The following ASB18 variants were observed in gnomAD, a reference collection of about 807,000 sequenced individuals.
ASB18 encodes the protein ankyrin repeat and SOCS box protein 18.
In ASB18, 33 loss-of-function variants were observed where a neutral mutation model predicts 33.4. The observed-to-expected ratio is 0.99, with a 90% CI of 0.75 to 1.32. The LOEUF (loss-of-function observed/expected upper bound fraction) is 1.32. Among genes scored for constraint, ASB18 ranks in the 40% most tolerant of loss-of-function variants. The pLI is 0.00. For missense variants in ASB18, 694 were observed against 655.5 expected, an observed-to-expected ratio of 1.06 and a Z score of -0.64; for synonymous variants, 295 against 307.6, an observed-to-expected ratio of 0.96 and a Z score of 0.43.
At chr2:236,230,204 A>T (rs1203765117) in intron 3 of ASB18, among the ~76,000 whole-genome samples, 1 of 151,934 alleles carries the variant, frequency 6.6e-6, no homozygotes, top group East Asian at 1.9e-4. Context: ...TGCAGAAAAA[A>T]TAAGAAGAAA....
rs562449856 is a variant in ASB18 at position 236,235,466 on chromosome 2, A to G, written c.596+2223T>C. The stretch of plus-strand genomic sequence containing the variant: ...GAGAATGTATCCCCATCGTTAAGCG[A>G]CAAATGACTGTATGTGGATGGCAAG... On this transcript the variant is annotated intron_variant, in intron 3 of 5. Transcript: ENST00000409749. This position sits in a 1 kb window ranked among gnomAD's most constrained non-coding sequence, Gnocchi z 6.2. Among the ~76,000 whole-genome samples, 8 of 152,382 alleles carry G rather than the reference A, an allele frequency of 5.2e-5. No homozygotes were observed. Among genetic ancestry groups the G allele is most frequent in the African/African-American group, 1.4e-4 (6 of 41,590 alleles).
chr2:236,223,139 C>A lies in ASB18; in HGVS notation c.597-8273G>T, dbSNP rs1000559910. 1.3e-5 allele frequency among the ~76,000 whole-genome samples: 2 copies of A among 152,350 alleles called. No individual in the cohort carries two copies. Among genetic ancestry groups the A allele is most frequent in the South Asian group, 2.1e-4 (1 of 4,826 alleles). On this transcript the variant is annotated intron_variant, in intron 3 of 5. Transcript: ENST00000409749. This position sits in a 1 kb window ranked among gnomAD's most constrained non-coding sequence, Gnocchi z 4.6. ...TCCTGAGGCCTCCCCAGAAGCAGAT[C>A]CCAGCATTATGCTTCCTGTACAGCC... is the stretch of plus-strand genomic sequence containing the variant.
chr2:236,221,343 A>G lies in ASB18; in HGVS notation c.597-6477T>C, dbSNP rs866170975. The stretch of plus-strand genomic sequence containing the variant: ...CATTGCTTCTGAACATTTTGTTAGT[A>G]ATGTTAAACATCTCATATGGTTTGG... On this transcript the variant is annotated intron_variant, in intron 3 of 5. Transcript: ENST00000409749. The surrounding 1 kb of genome is among the most constrained non-coding windows in gnomAD (Gnocchi z 5.6). Among the ~76,000 whole-genome samples the G allele has an allele frequency of 6.6e-6, 1 of 152,212 alleles. No homozygotes were observed. The highest frequency in any genetic ancestry group is 1.5e-5 in the Non-Finnish European group (1 of 68,042).
rs890825050 is a variant in ASB18, at chr2:236,256,750, C to T, written c.205+7391G>A. ...TTTCACTGTGTTCCACAGGCAGTGA[C>T]AGTTCATACTTGGGGGGAGCTGAGA... On this transcript the variant is annotated intron_variant, in intron 1 of 5. Transcript: ENST00000409749. The surrounding 1 kb of genome is among the most constrained non-coding windows in gnomAD (Gnocchi z 4.7). Among the ~76,000 whole-genome samples, 1 of 152,170 alleles carries T rather than the reference C, an allele frequency of 6.6e-6. No individual in the cohort carries two copies.
At chr2:236,243,929 C>A (rs972960083) in intron 1 of ASB18, among the ~76,000 whole-genome samples, 5 of 152,042 alleles carry the variant, frequency 3.3e-5, no homozygotes, top group Non-Finnish European at 5.9e-5. Context: ...AGGGCTCCAG[C>A]GATTCTCTTG....
chr2:236,238,093 T>G lies in ASB18; in HGVS notation c.329-137A>C. 14 of 621,572 alleles carry G rather than the reference T, an allele frequency of 2.3e-5. No individual in the cohort carries two copies. The highest frequency in any genetic ancestry group is 4.2e-4 in the Middle Eastern group (1 of 2,408). 38.5% of individuals were successfully genotyped at this position (621,572 alleles called of 1,614,324 possible). A position where few individuals can be genotyped will look rare whatever the true frequency, so the allele number is the denominator to read the frequency against. ...AGGTAGGCATGTAGGGAGAAGAGGA[T>G]AGAATCAGAGACGCACACAGAGACA... On this transcript the variant is annotated intron_variant, in intron 2 of 5. Coordinates refer to ENST00000409749, the MANE Select transcript of ASB18 (RefSeq NM_212556.4). This position sits in a 1 kb window ranked among gnomAD's most constrained non-coding sequence, Gnocchi z 5.2.
chr2:236,232,784 AT>A (rs771573398), intron 3 of ASB18, among the ~76,000 whole-genome samples: 35 of 152,138 alleles, frequency 2.3e-4, no homozygotes, highest in Non-Finnish European at 7.4e-5. Context: ...AAGAAATTAA[AT>A]TCATAGTTAA....
At position 236,220,821 on chromosome 2, in the gene ASB18, C is replaced by T. The variant is rs1394076786; in HGVS notation, c.597-5955G>A. ...GGCGTTTTCCACAAGTTATGAGTGA[C>T]CTTTTCATTCATTCAATAAGCAGAG... On this transcript the variant is annotated intron_variant, in intron 3 of 5. Coordinates refer to ENST00000409749, the MANE Select transcript of ASB18 (RefSeq NM_212556.4). The surrounding 1 kb of genome is among the most constrained non-coding windows in gnomAD (Gnocchi z 5.1). Among the ~76,000 whole-genome samples, 1 of 152,158 alleles carries T rather than the reference C, an allele frequency of 6.6e-6. No homozygotes were observed. Among genetic ancestry groups the T allele is most frequent in the Non-Finnish European group, 1.5e-5 (1 of 68,042 alleles).
Position 236,260,266 on chromosome 2 carries a change from G to A in ASB18, c.205+3875C>T, listed in dbSNP as rs544032928. On this transcript the variant is annotated intron_variant, in intron 1 of 5. Transcript: ENST00000409749. This position sits in a 1 kb window ranked among gnomAD's most constrained non-coding sequence, Gnocchi z 5.1. ...AGGTACTTTTGCCAACATGACCCTC[G>A]ACTCTTGCCTTCTCCTGGCTCAGGT... Among the ~76,000 whole-genome samples, 40 of 152,096 alleles carry A rather than the reference G, an allele frequency of 2.6e-4. No homozygotes were observed. The South Asian group carries it at 8.1e-3, about 31-fold the overall frequency.
At chr2:236,261,248 C>T (rs1327444130) in intron 1 of ASB18, among the ~76,000 whole-genome samples, 2 of 152,198 alleles carry the variant, frequency 1.3e-5, no homozygotes, top group Admixed American at 6.5e-5. Flanking sequence ...AGAGCTTAGG[C>T]AAGAACCTGG....
At position 236,214,399 on chromosome 2, in the gene ASB18, T is replaced by C; in HGVS notation, c.1064A>G (p.His355Arg). ...GTCGGGCCACACGGTGGGAGAGCCG[T>C]GGTTGAGCAGCGCCTGCACCGTGCG... is the stretch of plus-strand genomic sequence containing the variant. ...PQRTVQALLNHGSPTVWPDAF... is the reference protein window; with the variant it reads ...PQRTVQALLNRGSPTVWPDAF... The change falls in exon 4 of 6, where the codon CAC (histidine) becomes CGC (arginine). Residue 355 changes from histidine to arginine, a missense_variant. Physicochemically the swap from His to Arg is conservative, Grantham distance 29 (BLOSUM62 0). Transcript: ENST00000409749. This position sits in a 1 kb window ranked among gnomAD's most constrained non-coding sequence, Gnocchi z 6.5. 1 of 1,575,564 alleles carries C rather than the reference T, an allele frequency of 6.3e-7. No homozygotes were observed. The highest frequency in any genetic ancestry group is 8.6e-7 in the Non-Finnish European group (1 of 1,166,416).
chr2:236,201,788 T>C (rs6756094), intron 4 of ASB18, among the ~76,000 whole-genome samples: 3,904 of 152,238 alleles, frequency 0.026, 171 homozygotes, highest in African/African-American at 0.084. Context: ...CAATCTTCTT[T>C]GGCACATAAA....
At chr2:236,254,003 T>C (rs918716447) in intron 1 of ASB18, 1 of 152,120 alleles carries the variant, frequency 6.6e-6, no homozygotes, top group African/African-American at 2.4e-5. Context: ...ATTTAAACTG[T>C]GTTTTGGTGA....
chr2:236,234,654 C>T lies in ASB18; in HGVS notation c.596+3035G>A, dbSNP rs1023699372. On this transcript the variant is annotated intron_variant, in intron 3 of 5. Transcript: ENST00000409749. The surrounding 1 kb of genome is among the most constrained non-coding windows in gnomAD (Gnocchi z 4.1). ...TCATTTTTGACAAAGGTGCAAAGAC[C>T]GTTTGGTGGAGAAAGGAAGGGTTTA... 3.3e-5 allele frequency among the ~76,000 whole-genome samples: 5 copies of T among 152,056 alleles called. No individual in the cohort carries two copies. The highest frequency in any genetic ancestry group is 1.3e-4 in the Admixed American group (2 of 15,266).
rs1161004826 is a variant in ASB18, at chr2:236,219,869, C to T, written c.597-5003G>A. ...CCTGGGGTCAGGGTAGAACAGTCAC[C>T]GTTGGGATCTAAGGGTAGAATTCCC... On this transcript the variant is annotated intron_variant, in intron 3 of 5. Coordinates refer to ENST00000409749, the MANE Select transcript of ASB18 (RefSeq NM_212556.4). This position sits in a 1 kb window ranked among gnomAD's most constrained non-coding sequence, Gnocchi z 6.4. Among the ~76,000 whole-genome samples, 3 of 152,246 alleles carry T rather than the reference C, an allele frequency of 2.0e-5. No homozygotes were observed. The highest frequency in any genetic ancestry group is 1.9e-4 in the East Asian group (1 of 5,172).
chr2:236,207,819 C>T (rs990000285), intron 4 of ASB18, among the ~76,000 whole-genome samples: 7 of 135,160 alleles, frequency 5.2e-5, no homozygotes, highest in African/African-American at 1.4e-4. Flanking sequence ...GCCTGGCTGA[C>T]TTTTTTTTTT....
Position 236,260,726 on chromosome 2 carries a change from A to G in ASB18, c.205+3415T>C, listed in dbSNP as rs115055865. ...ATCACCAATTCTACGGGTTGTCAGCAGACATGAAAGTGAGGTTCTGGGTTG... is the reference window on the plus strand; with the variant it reads ...ATCACCAATTCTACGGGTTGTCAGCGGACATGAAAGTGAGGTTCTGGGTTG... On this transcript the variant is annotated intron_variant, in intron 1 of 5. Transcript: ENST00000409749. The surrounding 1 kb of genome is among the most constrained non-coding windows in gnomAD (Gnocchi z 5.1). Among the ~76,000 whole-genome samples, 5,032 of 152,322 alleles carry G rather than the reference A, an allele frequency of 0.033. 127 individuals carry two copies. The highest frequency in any genetic ancestry group is 0.051 in the Admixed American group (781 of 15,302).
chr2:236,243,524 A>G (rs1385511821), intron 1 of ASB18, among the ~76,000 whole-genome samples: 2 of 152,010 alleles, frequency 1.3e-5, no homozygotes, highest in African/African-American at 2.4e-5. Context: ...ACTGAAAATG[A>G]CCAGGTTCCA....
In ASB18 at chr2:236,198,196, T is replaced by C. The variant is rs146619645; in HGVS notation, c.1102-1811A>G. Among the ~76,000 whole-genome samples the C allele has an allele frequency of 6.2e-3, 947 of 152,308 alleles. 15 individuals carry two copies. The highest frequency in any genetic ancestry group is 0.02 in the Middle Eastern group (6 of 294). ...AATATGACAAACTAAAAAAAATTCATATTCCTCTGGCTAGAGGTAACTACT... is the reference window on the plus strand; with the variant it reads ...AATATGACAAACTAAAAAAAATTCACATTCCTCTGGCTAGAGGTAACTACT... On this transcript the variant is annotated intron_variant, in intron 4 of 5. Coordinates refer to ENST00000409749, the MANE Select transcript of ASB18 (RefSeq NM_212556.4).
Sources: allele counts gnomAD v4.1 joint callset (sites outside exome capture counted in the v4.1 genomes callset), GRCh38; gene constraint gnomAD v4.1.1; non-coding constraint Gnocchi (gnomAD v3.1); transcripts MANE v1.5; gene names NCBI Gene and HGNC (gene_info 2026-07-23, HGNC 2026-07-21).